Variants in RAB1A observed in about 807,000 individuals in gnomAD.
The protein encoded by RAB1A is RAB1A, member RAS oncogene family, also known as ras-related protein Rab-1A.
Under a neutral mutation model 26.0 loss-of-function variants are expected in RAB1A, and 2 were observed. The observed-to-expected ratio is 0.08, with a 90% confidence interval of 0.03 to 0.24. The LOEUF is 0.24. RAB1A is among the 10% of genes least tolerant of loss of function. The pLI is 1.00. For missense variants in RAB1A, 100 were observed against 247.0 expected, an observed-to-expected ratio of 0.40 and a Z score of 3.99; for synonymous variants, 84 against 84.9, an observed-to-expected ratio of 0.99 and a Z score of 0.06.
At chr2:65,097,886 T>C in intron 3 of RAB1A, 85 bp downstream of exon 3, 2 of 680,096 alleles carry the variant, frequency 2.9e-6, no homozygotes, top group Non-Finnish European at 4.7e-6. Flanking sequence ...TCAATTTTGT[T>C]AGCATAGTAA....
intron 1 of RAB1A, chr2:65,114,234 G>A: frequency 2.9e-6 from 1 of 349,052 alleles, no homozygotes. Context: ...ACAAAAGAAA[G>A]CTGATTGACA....
At chr2:65,089,698 ATTAATTT>A (rs945108007) in intron 4 of RAB1A, among the ~76,000 whole-genome samples, 5 of 78,646 alleles carry the variant, frequency 6.4e-5, no homozygotes, top group South Asian at 5.2e-4. Context: ...TTGAAATTTG[ATTAATTT>A]TTTTTTTTTT....
chr2:65,092,377 T>C lies in RAB1A; in HGVS notation c.193-1299A>G, dbSNP rs547671049. ...CTTCAAAACATCAAATCCAGGTTCCTGGTTATTTAATATTAGGGAGAGTCA... is the reference window on the plus strand; with the variant it reads ...CTTCAAAACATCAAATCCAGGTTCCCGGTTATTTAATATTAGGGAGAGTCA... On this transcript the variant is annotated intron_variant, in intron 3 of 5. Transcript: ENST00000409784. 2.6e-5 allele frequency among the ~76,000 whole-genome samples: 4 copies of C among 152,322 alleles called. No homozygotes were observed. In the South Asian group the frequency reaches 6.2e-4, roughly 24 times the overall value.
At position 65,125,473 on chromosome 2, in the gene RAB1A, G is replaced by T. The variant is rs552915662; in HGVS notation, c.23+4420C>A. Among the ~76,000 whole-genome samples, 4 of 144,378 alleles carry T rather than the reference G, an allele frequency of 2.8e-5. No homozygotes were observed. The East Asian group carries it at 8.1e-4, about 29-fold the overall frequency. The allele number at this position is 144,378 out of a possible 152,430, so 94.7% of individuals were successfully genotyped here. Reference sequence around the variant, plus strand: ...GTCTCACTCTGTCCCTCAGGCTGGAGTGCAGTGGCATGATCTGGACTCACT... The same window carrying T: ...GTCTCACTCTGTCCCTCAGGCTGGATTGCAGTGGCATGATCTGGACTCACT... On this transcript the variant is annotated intron_variant, in intron 1 of 5. Coordinates refer to ENST00000409784, the MANE Select transcript of RAB1A (RefSeq NM_004161.5).
At position 65,087,484 on chromosome 2, in the gene RAB1A, T is replaced by A. The variant is rs1272364357; in HGVS notation, c.*1009A>T. 1.3e-5 allele frequency: 2 copies of A among 152,632 alleles called. No individual in the cohort carries two copies. The highest frequency in any genetic ancestry group is 6.5e-5 in the Admixed American group (1 of 15,276). 9.5% of individuals were successfully genotyped at this position (152,632 alleles called of 1,614,324 possible). Reference sequence around the variant, plus strand: ...GAAGAAAAACATTAGCACACATTAGTCTGATCATTTGCCAATTAGGAAAGG... The same window carrying A: ...GAAGAAAAACATTAGCACACATTAGACTGATCATTTGCCAATTAGGAAAGG... On this transcript the variant is annotated 3_prime_UTR_variant, in exon 6 of 6. Coordinates refer to ENST00000409784, the MANE Select transcript of RAB1A (RefSeq NM_004161.5).
At chr2:65,088,728 C>T (rs753042441) in intron 5 of RAB1A, 38 bp from the exon 6 acceptor site, 1 of 1,510,808 alleles carries the variant, frequency 6.6e-7, no homozygotes, top group Admixed American at 2.0e-5. Flanking sequence ...ACTGAAAAAT[C>T]TTTTTCACTA....
At chr2:65,104,901 C>G (rs1333803221) in intron 1 of RAB1A, 95 bp from the exon 2 acceptor site, 1 of 1,005,506 alleles carries the variant, frequency 9.9e-7, no homozygotes, top group South Asian at 1.3e-5. Context: ...TAACAACTCA[C>G]TGTGAAGACT....
chr2:65,123,916 A>G, intron 1 of RAB1A, among the ~76,000 whole-genome samples: 1 of 152,248 alleles, frequency 6.6e-6, no homozygotes, highest in Non-Finnish European at 1.5e-5. Flanking sequence ...AAAAAACTAA[A>G]CTAAAATATT....
chr2:65,100,987 A>G (rs921288698), intron 2 of RAB1A, among the ~76,000 whole-genome samples: 1 of 151,742 alleles, frequency 6.6e-6, no homozygotes, highest in Non-Finnish European at 1.5e-5. Context: ...CTCTACTAAA[A>G]ATACAAAAAT....
chr2:65,108,595 T>C (rs1669619228), intron 1 of RAB1A, among the ~76,000 whole-genome samples: 1 of 151,930 alleles, frequency 6.6e-6, no homozygotes, highest in East Asian at 1.9e-4. Context: ...TCACCTGAGG[T>C]TGGGAGTTCG....
At chr2:65,122,330 G>C in intron 1 of RAB1A, among the ~76,000 whole-genome samples, 1 of 149,232 alleles carries the variant, frequency 6.7e-6, no homozygotes, top group Non-Finnish European at 1.5e-5. Flanking sequence ...GGTGGATCTC[G>C]AGACCAGGAA....
intron 3 of RAB1A, among the ~76,000 whole-genome samples, chr2:65,092,019 A>C (rs1477514755): frequency 6.6e-6 from 1 of 152,226 alleles, no homozygotes; most frequent in Non-Finnish European, 1.5e-5. Flanking sequence ...TCACGCCTGT[A>C]ATCCCAGCAC....
intron 3 of RAB1A, among the ~76,000 whole-genome samples, chr2:65,096,741 A>C (rs1392521168): frequency 6.6e-6 from 1 of 152,242 alleles, no homozygotes; most frequent in Non-Finnish European, 1.5e-5. Context: ...CAATATCCAC[A>C]GCCACCTATC....
chr2:65,103,304 A>AAAAAAAAACAAACAAAC (rs1553392772), intron 2 of RAB1A, among the ~76,000 whole-genome samples: 3,605 of 112,532 alleles, frequency 0.032, 368 homozygotes, highest in African/African-American at 0.11. Flanking sequence ...TGTCTCAAAA[A>AAAAAAAAACAAACAAAC]AAAAAAAAAA....
intron 1 of RAB1A, among the ~76,000 whole-genome samples, chr2:65,117,751 G>A (rs1191818810): frequency 2.9e-5 from 4 of 138,990 alleles, no homozygotes; most frequent in African/African-American, 1.1e-4. Context: ...TTTTTTTTTT[G>A]GTAGAGATGA....
chr2:65,106,169 C>G (rs1407286414), intron 1 of RAB1A, among the ~76,000 whole-genome samples: 3 of 152,200 alleles, frequency 2.0e-5, no homozygotes, highest in Non-Finnish European at 4.4e-5. Flanking sequence ...CACCCACAGT[C>G]TCCAAGGAAA....
intron 2 of RAB1A, among the ~76,000 whole-genome samples, chr2:65,101,742 C>CTTTTTTTTTTT (rs71401771): frequency 8.5e-5 from 6 of 70,682 alleles, no homozygotes; most frequent in African/African-American, 3.4e-4. Flanking sequence ...GTATTACTTC[C>CTTTTTTTTTTT]TTTTTTTTTT....
chr2:65,101,701 CTT>C (rs200745473), intron 2 of RAB1A, among the ~76,000 whole-genome samples: 1 of 120,542 alleles, frequency 8.3e-6, no homozygotes, highest in Non-Finnish European at 1.8e-5. Flanking sequence ...AAAGTTGAGC[CTT>C]TTTTTTTTTC....
At chr2:65,099,770 C>G (rs1669374432) in intron 2 of RAB1A, among the ~76,000 whole-genome samples, 2 of 152,246 alleles carry the variant, frequency 1.3e-5, no homozygotes, top group South Asian at 4.1e-4. Context: ...GTGTGAGCCA[C>G]CAAACTTTTT....
Sources: allele counts gnomAD v4.1 joint callset (sites outside exome capture counted in the v4.1 genomes callset), GRCh38; gene constraint gnomAD v4.1.1; transcripts MANE v1.5; gene names NCBI Gene and HGNC (gene_info 2026-07-23, HGNC 2026-07-21).